HSPG2: variants seen among roughly 807,000 people sequenced by gnomAD.
HSPG2 encodes the protein basement membrane-specific heparan sulfate proteoglycan core protein.
Under a neutral mutation model 526.6 loss-of-function variants are expected in HSPG2, and 278 were observed. The ratio of observed to expected loss-of-function variants is 0.53; its 90% CI spans 0.48 to 0.58. HSPG2 has a LOEUF of 0.58. Among genes scored for constraint, HSPG2 ranks in the 20% least tolerant of loss-of-function variants. HSPG2 has a pLI of 0.00. For missense variants in HSPG2, 5,354 were observed against 6,099.5 expected (o/e 0.88, Z 4.07); for synonymous variants, 2,465 against 2,555.4 (o/e 0.96, Z 1.07).
intron 1 of HSPG2, chr1:21,907,966 T>C: frequency 1.8e-6 from 1 of 551,150 alleles, no homozygotes; most frequent in Non-Finnish European, 3.4e-6. Context: ...AGTAATAATA[T>C]CTATCTCATA....
At chr1:21,869,730 C>T in intron 33 of HSPG2, 1 of 986,058 alleles carries the variant, frequency 1.0e-6, no homozygotes, top group Non-Finnish European at 1.2e-6. Flanking sequence ...GTCCGTGAGG[C>T]TTCACCTCCC....
intron 1 of HSPG2, among the ~76,000 whole-genome samples, chr1:21,924,979 GT>G: frequency 6.6e-6 from 1 of 152,258 alleles, no homozygotes; most frequent in South Asian, 2.1e-4. Flanking sequence ...TTTGAGTTGT[GT>G]TGGGCACTTA....
chr1:21,823,880 C>G (rs1160825774), intron 95 of HSPG2, 161 bp from the exon 96 acceptor site: 1 of 741,616 alleles, frequency 1.3e-6, no homozygotes, highest in South Asian at 1.5e-5. Flanking sequence ...TCGGGCCCCA[C>G]AAACACAGCT....
At chr1:21,825,457 G>C (rs891713029) in intron 91 of HSPG2, among the ~76,000 whole-genome samples, 2 of 152,160 alleles carry the variant, frequency 1.3e-5, no homozygotes, top group Admixed American at 6.6e-5. Flanking sequence ...CAGAGCCTTG[G>C]TGTTCTCTCC....
intron 77 of HSPG2, 69 bp downstream of exon 77, chr1:21,834,610 G>A: frequency 6.4e-7 from 1 of 1,572,588 alleles, no homozygotes; most frequent in Non-Finnish European, 8.7e-7. Context: ...CGGGCAGGCA[G>A]AAGATGGCAG....
chr1:21,870,043 C>T lies in HSPG2; in HGVS notation c.4221+2143G>A, dbSNP rs147304541. Among the ~76,000 whole-genome samples, 553 of 152,348 alleles carry T rather than the reference C, an allele frequency of 3.6e-3. 3 individuals are homozygous for T. The highest frequency in any genetic ancestry group is 0.013 in the African/African-American group (523 of 41,582). On this transcript the variant is annotated intron_variant, in intron 33 of 96. Transcript: ENST00000374695. Reference sequence around the variant, plus strand: ...AGCCATTCATGGTTCTGGAATGTTTCCCAGGGGAGACACCAGAGCAGACCA... The same window carrying T: ...AGCCATTCATGGTTCTGGAATGTTTTCCAGGGGAGACACCAGAGCAGACCA...
In HSPG2 at chr1:21,875,853, T is replaced by C. The variant is rs368807853; in HGVS notation, c.3183+10A>G. ...CCGCACCCCTACCCCCAGGGGACAGTATTGCTCACCTCCCGGAAAGGCACA... is the reference window on the plus strand; with the variant it reads ...CCGCACCCCTACCCCCAGGGGACAGCATTGCTCACCTCCCGGAAAGGCACA... On this transcript the variant is annotated intron_variant, in intron 24 of 96. Transcript: ENST00000374695. 1 of 1,613,722 alleles carries C rather than the reference T, an allele frequency of 6.2e-7. No homozygotes were observed. The highest frequency in any genetic ancestry group is 8.5e-7 in the Non-Finnish European group (1 of 1,179,950).
intron 84 of HSPG2, 29 bp from the exon 85 acceptor site, chr1:21,831,119 GAGAACATTCAGTA>G (rs777761096): frequency 6.2e-7 from 1 of 1,607,758 alleles, no homozygotes; most frequent in South Asian, 1.1e-5. Flanking sequence ...AAGTAAGGCC[GAGAACATTCAGTA>G]CCCCCCATAA....
chr1:21,831,416 C>T (rs1170008790), intron 83 of HSPG2, 47 bp downstream of exon 83: 2 of 1,607,210 alleles, frequency 1.2e-6, no homozygotes, highest in Admixed American at 1.7e-5. Flanking sequence ...CTCTTCCAGC[C>T]AGCCAGGTAA....
At chr1:21,837,157 ATT>A in intron 74 of HSPG2, 151 bp from the exon 75 acceptor site, 1 of 742,374 alleles carries the variant, frequency 1.3e-6, no homozygotes, top group Non-Finnish European at 2.3e-6. Flanking sequence ...TCAGTGGCAG[ATT>A]CATTCATCTG....
At chr1:21,870,677 T>C (rs1158574813) in intron 33 of HSPG2, among the ~76,000 whole-genome samples, 1 of 152,138 alleles carries the variant, frequency 6.6e-6, no homozygotes, top group Non-Finnish European at 1.5e-5. Context: ...GCACATACCC[T>C]CCTGGCTCCA....
intron 50 of HSPG2, among the ~76,000 whole-genome samples, 181 bp from the exon 51 acceptor site, chr1:21,853,251 C>T (rs893735761): frequency 8.5e-5 from 13 of 152,222 alleles, no homozygotes; most frequent in Non-Finnish European, 1.8e-4. Flanking sequence ...CTTCCCTCCC[C>T]AGCCTCTAAC....
In HSPG2 at chr1:21,887,160, G is replaced by A; in HGVS notation, c.1078+55C>T. 1 of 1,607,366 alleles carries A rather than the reference G, an allele frequency of 6.2e-7. No individual in the cohort carries two copies. The highest frequency in any genetic ancestry group is 8.5e-7 in the Non-Finnish European group (1 of 1,176,876). On this transcript the variant is annotated intron_variant, in intron 9 of 96. Coordinates refer to ENST00000374695, the MANE Select transcript of HSPG2 (RefSeq NM_005529.7). The surrounding 1 kb of genome is among the most constrained non-coding windows in gnomAD (Gnocchi z 5.0). The stretch of plus-strand genomic sequence containing the variant: ...GGGGCAGGAGTGGAAGGCGGGGCAG[G>A]AGCAAGCGGCCTGGGCAGGGCAAGG...
At chr1:21,836,201 G>C (rs2098025757) in intron 75 of HSPG2, among the ~76,000 whole-genome samples, 1 of 152,144 alleles carries the variant, frequency 6.6e-6, no homozygotes, top group South Asian at 2.1e-4. Context: ...GGTCATTTGT[G>C]TATTTCTGGC....
At chr1:21,835,957 G>A (rs564000878) in intron 75 of HSPG2, among the ~76,000 whole-genome samples, 18 of 145,444 alleles carry the variant, frequency 1.2e-4, no homozygotes, top group Non-Finnish European at 2.2e-4. Flanking sequence ...GCACTCCAGC[G>A]TGGGTGACAG....
chr1:21,838,853 G>A lies in HSPG2; in HGVS notation c.10122C>T (p.Ala3374=), dbSNP rs2098037469. The A allele has an allele frequency of 8.1e-6, 13 of 1,612,404 alleles. No individual in the cohort carries two copies. Among genetic ancestry groups the A allele is most frequent in the Admixed American group, 5.0e-5 (3 of 59,858 alleles). ...RCRVTNKVGS[A]EAFAQLLVQG... ...GGACGAGCAGCTGGGCAAAGGCCTCGGCTGAGCCCACCTTGTTGGTGACCC... is the reference window on the plus strand; with the variant it reads ...GGACGAGCAGCTGGGCAAAGGCCTCAGCTGAGCCCACCTTGTTGGTGACCC... The change falls in exon 74 of 97, where the codon GCC becomes GCT. Residue 3374 remains alanine, a synonymous_variant. Transcript: ENST00000374695.
At chr1:21,870,679 C>G (rs1362441144) in intron 33 of HSPG2, among the ~76,000 whole-genome samples, 2 of 152,242 alleles carry the variant, frequency 1.3e-5, no homozygotes, top group Admixed American at 6.5e-5. Context: ...ACATACCCTC[C>G]TGGCTCCAAC....
intron 1 of HSPG2, among the ~76,000 whole-genome samples, chr1:21,918,368 G>C (rs1435252744): frequency 6.6e-6 from 1 of 151,678 alleles, no homozygotes; most frequent in South Asian, 2.1e-4. Context: ...GGGAGGCTGA[G>C]GCAGGAGAAT....
At chr1:21,894,889 C>T (rs1038233330) in intron 3 of HSPG2, among the ~76,000 whole-genome samples, 1 of 152,224 alleles carries the variant, frequency 6.6e-6, no homozygotes, top group Non-Finnish European at 1.5e-5. Context: ...TCGTGGAGAC[C>T]TACACATGGA....
Sources: gnomAD v4.1 joint callset for allele counts (sites outside exome capture counted in the v4.1 genomes callset) on GRCh38, gnomAD v4.1.1 for gene constraint, Gnocchi (gnomAD v3.1) non-coding constraint, MANE v1.5 for transcripts, NCBI Gene and HGNC (gene_info 2026-07-23, HGNC 2026-07-21) for gene names.